Variants in ZNF45 observed in about 807,000 individuals in gnomAD.
The protein encoded by ZNF45 is BRC1744.
ZNF45 carries 4 observed loss-of-function variants against 12.0 expected under a neutral mutation model. That is an observed-to-expected ratio of 0.33 (90% CI 0.16 to 0.76). The LOEUF (loss-of-function observed/expected upper bound fraction) is 0.76. Among genes scored for constraint, ZNF45 ranks in the 30% least tolerant of loss-of-function variants. ZNF45 has a pLI of 0.60. For missense variants in ZNF45, 700 were observed against 813.0 expected (o/e 0.86, Z 1.69); for synonymous variants, 272 against 279.6 (o/e 0.97, Z 0.27).
chr19:43,922,820 G>GTTTTTTTTT (rs368057244), intron 6 of ZNF45, among the ~76,000 whole-genome samples: 13 of 86,488 alleles, frequency 1.5e-4, no homozygotes, highest in East Asian at 3.6e-4. Flanking sequence ...TAAATTCTTT[G>GTTTTTTTTT]TTTTTTTTTT....
Position 43,914,230 on chromosome 19 carries a change from AT to A in ZNF45, c.1205del (p.Asn402IlefsTer138). On this transcript the variant is annotated frameshift_variant, in exon 10 of 10. Coordinates refer to ENST00000269973, the MANE Select transcript of ZNF45 (RefSeq NM_003425.4). LOFTEE classifies it low-confidence loss of function (END_TRUNC). ...ECGKGFCRAS[N>X]LLDHQRGHTG... Reference sequence around the variant, plus strand: ...TATGGCCTCTTTGATGGTCCAGCAGATTTGAGGCCCGGCAGAAGCCTTTCCC... The same window carrying A: ...TATGGCCTCTTTGATGGTCCAGCAGATTGAGGCCCGGCAGAAGCCTTTCCC... 6.2e-7 allele frequency: 1 copy of A among 1,613,272 alleles called. No homozygotes were observed. The highest frequency in any genetic ancestry group is 8.5e-7 in the Non-Finnish European group (1 of 1,179,602).
intron 3 of ZNF45, among the ~76,000 whole-genome samples, chr19:43,929,719 C>T (rs1224928671): frequency 6.6e-6 from 1 of 152,206 alleles, no homozygotes; most frequent in Non-Finnish European, 1.5e-5. Context: ...ACCAGGTCCT[C>T]CACATAACAG....
At chr19:43,915,788 C>T (rs932987261) in intron 9 of ZNF45, among the ~76,000 whole-genome samples, 1 of 152,180 alleles carries the variant, frequency 6.6e-6, no homozygotes, top group East Asian at 1.9e-4. Flanking sequence ...ATCCCCCCGA[C>T]CCCAGTCTGT....
At chr19:43,927,224 T>G (rs572494581) in intron 3 of ZNF45, among the ~76,000 whole-genome samples, 1 of 152,334 alleles carries the variant, frequency 6.6e-6, no homozygotes, top group South Asian at 2.1e-4. Flanking sequence ...AGGTATTTAC[T>G]TACTTATATT....
Position 43,912,983 on chromosome 19 carries a change from A to G in ZNF45, c.*404T>C. 6.3e-6 allele frequency: 1 copy of G among 159,142 alleles called. No homozygotes were observed. The highest frequency in any genetic ancestry group is 1.9e-4 in the East Asian group (1 of 5,356). 9.9% of individuals were successfully genotyped at this position (159,142 alleles called of 1,614,324 possible). A position where few individuals can be genotyped will look rare whatever the true frequency, so the allele number is the denominator to read the frequency against. On this transcript the variant is annotated 3_prime_UTR_variant, in exon 10 of 10. Transcript: ENST00000269973. ...TAGAGAAACTTCTAGAGATAAATAAAAATGTCAAATATTACTGAATTTCAA... is the reference window on the plus strand; with the variant it reads ...TAGAGAAACTTCTAGAGATAAATAAGAATGTCAAATATTACTGAATTTCAA...
chr19:43,926,676 T>C (rs1334184089), intron 3 of ZNF45: 1 of 152,226 alleles, frequency 6.6e-6, no homozygotes, highest in Non-Finnish European at 1.5e-5. Context: ...CAGCATCCTT[T>C]AGCGGCATGA....
At chr19:43,928,525 C>A (rs1223096272) in intron 3 of ZNF45, among the ~76,000 whole-genome samples, 1 of 152,160 alleles carries the variant, frequency 6.6e-6, no homozygotes, top group African/African-American at 2.4e-5. Flanking sequence ...TACAGAAGAT[C>A]AAGGATGGGA....
intron 7 of ZNF45, among the ~76,000 whole-genome samples, chr19:43,920,041 C>A (rs1169422620): frequency 6.6e-6 from 1 of 152,038 alleles, no homozygotes; most frequent in African/African-American, 2.4e-5. Context: ...TTATCCTTCC[C>A]CCAAGATAAA....
intron 2 of ZNF45, among the ~76,000 whole-genome samples, chr19:43,933,440 C>G (rs930380539): frequency 1.3e-5 from 2 of 151,916 alleles, no homozygotes; most frequent in African/African-American, 2.4e-5. Context: ...GGCAACAGAG[C>G]AAGATTCCAT....
chr19:43,922,261 A>G (rs906105904), intron 6 of ZNF45, 44 bp from the exon 7 acceptor site: 2 of 1,421,224 alleles, frequency 1.4e-6, no homozygotes, highest in African/African-American at 1.4e-5. Flanking sequence ...GAAAAAAGCC[A>G]TGAGAGTTTG....
At chr19:43,930,135 G>T (rs1219306154) in intron 3 of ZNF45, 1 of 152,248 alleles carries the variant, frequency 6.6e-6, no homozygotes, top group Non-Finnish European at 1.5e-5. Context: ...TGGCAGAAGG[G>T]TAGGGGAAAA....
Position 43,913,316 on chromosome 19 carries a change from C to T in ZNF45, c.*71G>A. ...TGGCTGAACTACTGACTCTATAAAA[C>T]AAATGTTTTGTCTATGATAGCTCTG... is the stretch of plus-strand genomic sequence containing the variant. On this transcript the variant is annotated 3_prime_UTR_variant, in exon 10 of 10. Transcript: ENST00000269973. The T allele has an allele frequency of 3.3e-6, 5 of 1,503,662 alleles. No homozygotes were observed. The highest frequency in any genetic ancestry group is 4.4e-6 in the Non-Finnish European group (5 of 1,127,278). The allele number at this position is 1,503,662 out of a possible 1,614,324, so 93.1% of individuals were successfully genotyped here.
intron 3 of ZNF45, among the ~76,000 whole-genome samples, chr19:43,932,115 C>A (rs1974184423): frequency 6.6e-6 from 1 of 152,082 alleles, no homozygotes; most frequent in African/African-American, 2.4e-5. Context: ...GCGGGCAGAT[C>A]ACTTGAGGTC....
chr19:43,931,960 C>A (rs1042102519), intron 3 of ZNF45, among the ~76,000 whole-genome samples: 1 of 152,132 alleles, frequency 6.6e-6, no homozygotes, highest in South Asian at 2.1e-4. Flanking sequence ...TAAGCTAGTG[C>A]ATGGAAAGCA....
At chr19:43,916,670 G>C (rs1972707912) in intron 9 of ZNF45, among the ~76,000 whole-genome samples, 1 of 152,174 alleles carries the variant, frequency 6.6e-6, no homozygotes, top group Admixed American at 6.5e-5. Context: ...TTCAATAGAT[G>C]TGTTGAATAA....
At chr19:43,921,593 G>A (rs1414682040) in intron 7 of ZNF45, among the ~76,000 whole-genome samples, 1 of 152,114 alleles carries the variant, frequency 6.6e-6, no homozygotes, top group Non-Finnish European at 1.5e-5. Flanking sequence ...TCAATATAGT[G>A]TTTCTATAAC....
In ZNF45 at chr19:43,914,536, T is replaced by C. The variant is rs763371721; in HGVS notation, c.900A>G (p.Gly300=). The C allele has an allele frequency of 1.9e-6, 3 of 1,612,768 alleles. No homozygotes were observed. Among genetic ancestry groups the C allele is most frequent in the Non-Finnish European group, 2.5e-6 (3 of 1,178,968 alleles). ...YLQVHLKVHT[G]KKPYKCEECG... ...ACTCTTCACACTTATATGGTTTCTTTCCAGTGTGAACTTTCAGATGAACTT... is the reference window on the plus strand; with the variant it reads ...ACTCTTCACACTTATATGGTTTCTTCCCAGTGTGAACTTTCAGATGAACTT... The change falls in exon 10 of 10, where the codon GGA becomes GGG. Residue 300 remains glycine (G), a synonymous_variant. Coordinates refer to ENST00000269973, the MANE Select transcript of ZNF45 (RefSeq NM_003425.4).
chr19:43,913,610 T>A lies in ZNF45; in HGVS notation c.1826A>T (p.Glu609Val). Residue 609 changes from glutamate to valine, a missense_variant, in exon 10 of 10, where the codon GAG (glutamate) becomes GTG (valine). Transcript: ENST00000269973. ...ACATTCCTCACATTTGTATGGTCTCTCTCCTGTGTGGACCCTCTGGTGGGC... is the reference window on the plus strand; with the variant it reads ...ACATTCCTCACATTTGTATGGTCTCACTCCTGTGTGGACCCTCTGGTGGGC... Reference protein sequence around the residue: ...LQAHQRVHTGERPYKCEECGK... With the variant: ...LQAHQRVHTGVRPYKCEECGK... The A allele has an allele frequency of 6.2e-7, 1 of 1,614,162 alleles. No individual in the cohort carries two copies.
chr19:43,918,486 GAT>G (rs1972867344), intron 9 of ZNF45, among the ~76,000 whole-genome samples: 1 of 152,086 alleles, frequency 6.6e-6, no homozygotes, highest in Non-Finnish European at 1.5e-5. Context: ...GCCTGAGAGA[GAT>G]TTCTTGCCCC....
Sources: allele counts gnomAD v4.1 joint callset (sites outside exome capture counted in the v4.1 genomes callset), GRCh38; gene constraint gnomAD v4.1.1; transcripts MANE v1.5; gene names NCBI Gene and HGNC (gene_info 2026-07-23, HGNC 2026-07-21).